Variants in ARHGAP15 observed in about 807,000 individuals in gnomAD.
ARHGAP15 encodes the protein Rho GTPase activating protein 15.
A neutral mutation model predicts 63.7 loss-of-function variants in ARHGAP15; 51 were observed. That is an observed-to-expected ratio of 0.80 (90% CI 0.64 to 1.01). The LOEUF is 1.01. Among genes scored for constraint, ARHGAP15 ranks in the 50% least tolerant of loss-of-function variants. The pLI, the probability that ARHGAP15 is intolerant of heterozygous loss-of-function variation, is 0.00. For synonymous variants in ARHGAP15, 191 were observed against 193.8 expected (o/e 0.99, Z 0.12); for missense variants, 560 against 564.6 (o/e 0.99, Z 0.08).
At chr2:143,482,082 A>G (rs550692762) in intron 8 of ARHGAP15, among the ~76,000 whole-genome samples, 1 of 152,334 alleles carries the variant, frequency 6.6e-6, no homozygotes, top group Non-Finnish European at 1.5e-5. Context: ...AGTAAATTCT[A>G]GAATACCTGG....
chr2:143,355,242 A>G (rs1473395553), intron 6 of ARHGAP15, among the ~76,000 whole-genome samples: 4 of 152,196 alleles, frequency 2.6e-5, no homozygotes, highest in East Asian at 1.9e-4. Flanking sequence ...GCAGTTACCA[A>G]TTCTCCATAT....
chr2:143,324,211 T>A (rs574741800), intron 6 of ARHGAP15, among the ~76,000 whole-genome samples: 5 of 152,354 alleles, frequency 3.3e-5, no homozygotes, highest in African/African-American at 1.2e-4. Flanking sequence ...CAAAGATTCG[T>A]ATGTAATCAT....
chr2:143,284,410 C>T (rs1574210427), intron 6 of ARHGAP15, among the ~76,000 whole-genome samples: 1 of 152,154 alleles, frequency 6.6e-6, no homozygotes, highest in African/African-American at 2.4e-5. Flanking sequence ...AAACAAAATG[C>T]AGCACTCTGG....
intron 11 of ARHGAP15, among the ~76,000 whole-genome samples, chr2:143,604,769 G>C (rs889311972): frequency 6.6e-6 from 1 of 152,164 alleles, no homozygotes; most frequent in African/African-American, 2.4e-5. Context: ...TTCTTGGCAC[G>C]CATCCTGAAA....
chr2:143,511,780 T>C (rs1007688835), intron 9 of ARHGAP15, among the ~76,000 whole-genome samples: 2 of 152,222 alleles, frequency 1.3e-5, no homozygotes, highest in South Asian at 4.1e-4. Context: ...TGAATTGTCC[T>C]CCTTGGTGTA....
intron 11 of ARHGAP15, among the ~76,000 whole-genome samples, chr2:143,576,693 T>C (rs1696694366): frequency 6.6e-6 from 1 of 152,038 alleles, no homozygotes; most frequent in Non-Finnish European, 1.5e-5. Flanking sequence ...GAAGGGAGGA[T>C]TATATGATAA....
intron 13 of ARHGAP15, among the ~76,000 whole-genome samples, chr2:143,720,930 G>T (rs945545018): frequency 6.6e-6 from 1 of 151,946 alleles, no homozygotes. Flanking sequence ...TTAGCCAGGC[G>T]TGGTGGCGGG....
At chr2:143,667,582 TAAAA>T (rs71338146) in intron 12 of ARHGAP15, among the ~76,000 whole-genome samples, 171 of 138,952 alleles carry the variant, frequency 1.2e-3, no homozygotes, top group African/African-American at 3.3e-3. Flanking sequence ...TAAAAAAAAT[TAAAA>T]AAAAAAAAAA....
chr2:143,262,279 T>A (rs1680758923), intron 6 of ARHGAP15, among the ~76,000 whole-genome samples: 1 of 152,176 alleles, frequency 6.6e-6, no homozygotes, highest in Non-Finnish European at 1.5e-5. Context: ...AAATCTAATC[T>A]GTTGCCATGT....
chr2:143,228,457 C>A (rs1693304820), intron 4 of ARHGAP15, 124 bp from the exon 5 acceptor site: 1 of 497,706 alleles, frequency 2.0e-6, no homozygotes, highest in Admixed American at 4.1e-5. Flanking sequence ...AAAGAGGAGA[C>A]TTTTAGCAAG....
intron 11 of ARHGAP15, among the ~76,000 whole-genome samples, chr2:143,579,130 A>C (rs1696791140): frequency 6.6e-6 from 1 of 152,210 alleles, no homozygotes; most frequent in South Asian, 2.1e-4. Context: ...CAATGATGCC[A>C]AAACTGTATT....
chr2:143,407,369 C>T (rs1463426939), intron 6 of ARHGAP15, among the ~76,000 whole-genome samples: 1 of 151,720 alleles, frequency 6.6e-6, no homozygotes, highest in African/African-American at 2.4e-5. Flanking sequence ...AATTGTTAAA[C>T]CGTAAGTAGT....
chr2:143,218,576 C>T (rs1692863599), intron 4 of ARHGAP15, among the ~76,000 whole-genome samples: 1 of 152,066 alleles, frequency 6.6e-6, no homozygotes, highest in South Asian at 2.1e-4. Flanking sequence ...TTCTATATAG[C>T]ATAAACATTT....
At chr2:143,216,713 A>G (rs1398623954) in intron 4 of ARHGAP15, among the ~76,000 whole-genome samples, 4 of 152,226 alleles carry the variant, frequency 2.6e-5, no homozygotes, top group East Asian at 1.9e-4. Context: ...AATAAATAAG[A>G]CAATGGATTG....
At chr2:143,369,905 C>A (rs1326532729) in intron 6 of ARHGAP15, among the ~76,000 whole-genome samples, 2 of 151,898 alleles carry the variant, frequency 1.3e-5, no homozygotes, top group Non-Finnish European at 2.9e-5. Context: ...ATATAATTTG[C>A]CCAATATTTC....
chr2:143,356,061 AGAGAGAG>A (rs920673564), intron 6 of ARHGAP15, among the ~76,000 whole-genome samples: 1 of 149,242 alleles, frequency 6.7e-6, no homozygotes, highest in African/African-American at 2.5e-5. Flanking sequence ...TAAAAAAAAA[AGAGAGAG>A]AGAGAGAAAG....
In ARHGAP15 at chr2:143,321,553, C is replaced by T. The variant is rs535015528; in HGVS notation, c.474+70953C>T. ...CCGTGGTCACCTGCCCTTCCCTGAACCAATAACTATGAGCAGAGAAATAAA... is the reference window on the plus strand; with the variant it reads ...CCGTGGTCACCTGCCCTTCCCTGAATCAATAACTATGAGCAGAGAAATAAA... On this transcript the variant is annotated intron_variant, in intron 6 of 13. Coordinates refer to ENST00000295095, the MANE Select transcript of ARHGAP15 (RefSeq NM_018460.4). Among the ~76,000 whole-genome samples the T allele has an allele frequency of 2.6e-5, 4 of 152,336 alleles. No homozygotes were observed. In the South Asian group the frequency reaches 8.3e-4, roughly 32 times the overall value.
chr2:143,573,968 T>A (rs760743035), intron 11 of ARHGAP15, among the ~76,000 whole-genome samples: 5 of 152,228 alleles, frequency 3.3e-5, no homozygotes, highest in African/African-American at 4.8e-5. Flanking sequence ...TATGAATTAT[T>A]TTTAGTCTGT....
chr2:143,522,776 G>A (rs1341120199), intron 10 of ARHGAP15, among the ~76,000 whole-genome samples: 1 of 152,090 alleles, frequency 6.6e-6, no homozygotes, highest in Non-Finnish European at 1.5e-5. Flanking sequence ...AAAACCCCTG[G>A]GCCATGGGTT....
Sources: allele counts gnomAD v4.1 joint callset (sites outside exome capture counted in the v4.1 genomes callset), GRCh38; gene constraint gnomAD v4.1.1; transcripts MANE v1.5; gene names NCBI Gene and HGNC (gene_info 2026-07-23, HGNC 2026-07-21).